PRRC2C: variants seen among roughly 807,000 people sequenced by gnomAD.
The protein encoded by PRRC2C is proline rich coiled-coil 2C, also known as protein PRRC2C.
PRRC2C carries 72 observed loss-of-function variants against 317.2 expected under a neutral mutation model. That is an observed-to-expected ratio of 0.23 (90% CI 0.19 to 0.28). PRRC2C has a LOEUF of 0.28. Among genes scored for constraint, PRRC2C ranks in the 10% least tolerant of loss-of-function variants. PRRC2C has a pLI of 1.00. For synonymous variants in PRRC2C, 1,296 were observed against 1,205.9 expected (o/e 1.07, Z -1.55); for missense variants, 3,074 against 3,459.7 (o/e 0.89, Z 2.80).
chr1:171,545,328 A>G (rs1010217256), intron 16 of PRRC2C, 151 bp from the exon 17 acceptor site: 1 of 629,214 alleles, frequency 1.6e-6, no homozygotes, highest in Non-Finnish European at 2.7e-6. Context: ...TGTGCTGAAC[A>G]AAAGTTACTA....
At chr1:171,501,043 C>T (rs1040955042) in intron 1 of PRRC2C, among the ~76,000 whole-genome samples, 7 of 150,874 alleles carry the variant, frequency 4.6e-5, no homozygotes, top group Non-Finnish European at 8.9e-5. Flanking sequence ...GGACTGCAGG[C>T]GTGTGCCACC....
At chr1:171,556,728 C>A (rs1332426245) in intron 18 of PRRC2C, among the ~76,000 whole-genome samples, 1 of 152,224 alleles carries the variant, frequency 6.6e-6, no homozygotes, top group Non-Finnish European at 1.5e-5. Context: ...ACAAAAGTAT[C>A]TATTGTAATT....
At position 171,516,856 on chromosome 1, in the gene PRRC2C, C is replaced by A. The variant is rs190807743; in HGVS notation, c.527-735C>A. Among the ~76,000 whole-genome samples the A allele has an allele frequency of 2.8e-3, 419 of 152,218 alleles. 2 individuals are homozygous for A. Among genetic ancestry groups the A allele is most frequent in the Non-Finnish European group, 4.1e-3 (281 of 68,006 alleles). ...GGGGCTGCTTATGACATGGCTTCTG[C>A]AGAATAAATGATGAGAGACAGACAC... On this transcript the variant is annotated intron_variant, in intron 5 of 34. Transcript: ENST00000647382.
intron 11 of PRRC2C, among the ~76,000 whole-genome samples, chr1:171,528,159 CTTAT>C (rs1675013394): frequency 2.0e-5 from 3 of 152,038 alleles, no homozygotes; most frequent in Admixed American, 2.0e-4. Flanking sequence ...TCCTTTTCCA[CTTAT>C]GATAATGTTA....
chr1:171,581,716 T>TA (rs1648641060), intron 28 of PRRC2C, among the ~76,000 whole-genome samples: 1 of 152,230 alleles, frequency 6.6e-6, no homozygotes, highest in Admixed American at 6.5e-5. Flanking sequence ...CATGTTTTCT[T>TA]ACCTCGTGTT....
intron 20 of PRRC2C, among the ~76,000 whole-genome samples, chr1:171,561,921 C>T (rs145531618): frequency 3.2e-4 from 48 of 152,160 alleles, no homozygotes; most frequent in African/African-American, 1.0e-3. Context: ...TTCTAACCTG[C>T]GGGCTTACAA....
chr1:171,537,272 C>T lies in PRRC2C; in HGVS notation c.2303C>T (p.Pro768Leu). ...DIPPIHPGMI[P>L]PKPLMRRDQM... ...TGAACTTTTGTTACAGGAATGATTC[C>T]TCCTAAACCATTAATGAGAAGAGAC... Residue 768 changes from proline (P) to leucine (L), a missense_variant, in exon 15 of 35, where the codon CCT (proline) becomes CTT (leucine). Physicochemically the swap from Pro to Leu is moderately conservative, Grantham distance 98. Transcript: ENST00000647382. 1 of 1,590,518 alleles carries T rather than the reference C, an allele frequency of 6.3e-7. No homozygotes were observed. Among genetic ancestry groups the T allele is most frequent in the Non-Finnish European group, 8.6e-7 (1 of 1,167,004 alleles).
intron 10 of PRRC2C, among the ~76,000 whole-genome samples, chr1:171,527,241 T>C (rs1238593850): frequency 6.6e-6 from 1 of 151,838 alleles, no homozygotes; most frequent in Non-Finnish European, 1.5e-5. Flanking sequence ...CAAGCAGTTC[T>C]CCTGTCTCAG....
chr1:171,497,584 G>T (rs184046200), intron 1 of PRRC2C, among the ~76,000 whole-genome samples: 9 of 149,968 alleles, frequency 6.0e-5, no homozygotes, highest in Admixed American at 4.7e-4. Context: ...CGATCCTTCT[G>T]TCTCAGTCTC....
rs917600394 is a variant in PRRC2C at position 171,550,060 on chromosome 1, T to C, written c.4973-26T>C. On this transcript the variant is annotated intron_variant, in intron 17 of 34. Transcript: ENST00000647382. Reference sequence around the variant, plus strand: ...ATTTTCATTTGAAAAACAGAAAATATCTTAAATCCTTTCCCACACCCACAG... The same window carrying C: ...ATTTTCATTTGAAAAACAGAAAATACCTTAAATCCTTTCCCACACCCACAG... 4.6e-6 allele frequency: 7 copies of C among 1,535,546 alleles called. No homozygotes were observed. In the Middle Eastern group the frequency reaches 8.9e-4, roughly 196 times the overall value.
intron 11 of PRRC2C, among the ~76,000 whole-genome samples, chr1:171,529,969 A>G (rs12142594): frequency 0.16 from 24,345 of 152,196 alleles, 2,005 homozygotes; most frequent in Middle Eastern, 0.29. Context: ...CATCGTTTCC[A>G]GCAATCCCTC....
intron 1 of PRRC2C, chr1:171,510,806 G>A (rs1156777031): frequency 5.3e-5 from 8 of 152,230 alleles, no homozygotes; most frequent in Admixed American, 2.0e-4. Context: ...GATTGAACCC[G>A]ACACCCTAGT....
rs771257025 is a variant in PRRC2C at position 171,541,244 on chromosome 1, A to C, written c.3778A>C (p.Arg1260=). 3.1e-6 allele frequency: 5 copies of C among 1,613,838 alleles called. No homozygotes were observed. Among genetic ancestry groups the C allele is most frequent in the Non-Finnish European group, 4.2e-6 (5 of 1,179,848 alleles). The change falls in exon 16 of 35, where the codon AGA becomes CGA. Residue 1260 remains arginine, a synonymous_variant. Transcript: ENST00000647382. The surrounding 1 kb of genome is among the most constrained non-coding windows in gnomAD (Gnocchi z 4.1). ...SSDFEVVPKR[R]RQRGSETDTD... is the part of the protein sequence containing the mutation. ...TGATTTTGAAGTTGTCCCCAAAAGAAGACGACAGCGGGGTTCAGAGACTGA... is the reference window on the plus strand; with the variant it reads ...TGATTTTGAAGTTGTCCCCAAAAGACGACGACAGCGGGGTTCAGAGACTGA...
At chr1:171,552,129 T>C (rs1680369940) in intron 18 of PRRC2C, among the ~76,000 whole-genome samples, 1 of 152,210 alleles carries the variant, frequency 6.6e-6, no homozygotes, top group East Asian at 1.9e-4. Context: ...GTGTTCTCTT[T>C]TATTTTGTTG....
At position 171,566,243 on chromosome 1, in the gene PRRC2C, A is replaced by G; in HGVS notation, c.6128A>G (p.Asn2043Ser). ...GSAPSSEGAKNGQESGLEIGT... is the reference protein window; with the variant it reads ...GSAPSSEGAKSGQESGLEIGT... ...ATATTCTTTTACTAGGGAGCGAAGA[A>G]TGGTCAAGAAAGTGGACTCGAAATT... Residue 2043 changes from asparagine to serine, a missense_variant, in exon 21 of 35, where the codon AAT becomes AGT. By Grantham distance (46) the Asn-to-Ser change is conservative (BLOSUM62 1). This residue lies in a region of PRRC2C where 640 missense variants were observed against 676.1 expected (regional missense o/e 0.95). Coordinates refer to ENST00000647382, the MANE Select transcript of PRRC2C (RefSeq NM_001387844.1). 6.2e-7 allele frequency: 1 copy of G among 1,609,828 alleles called. No individual in the cohort carries two copies. Among genetic ancestry groups the G allele is most frequent in the Non-Finnish European group, 8.5e-7 (1 of 1,178,054 alleles).
chr1:171,486,148 C>T (rs1350662040), intron 1 of PRRC2C, among the ~76,000 whole-genome samples: 1 of 143,720 alleles, frequency 7.0e-6, no homozygotes, highest in East Asian at 2.0e-4. Context: ...GTATGCGTTT[C>T]CCCAAACAAC....
At position 171,593,168 on chromosome 1, in the gene PRRC2C, CTA is replaced by C. The variant is rs1651745330; in HGVS notation, c.*1324_*1325del. 1 of 150,530 alleles carries C rather than the reference CTA, an allele frequency of 6.6e-6. No homozygotes were observed. The highest frequency in any genetic ancestry group is 1.5e-5 in the Non-Finnish European group (1 of 67,760). The allele number at this position is 150,530 out of a possible 1,614,324, so 9.3% of individuals were successfully genotyped here. ...TTTAAATGGAGTGTGCTGGATGTCT[CTA>C]TAATTTTATTCAGATGACTGCAGAA... On this transcript the variant is annotated 3_prime_UTR_variant, in exon 35 of 35. Coordinates refer to ENST00000647382, the MANE Select transcript of PRRC2C (RefSeq NM_001387844.1).
chr1:171,573,147 C>T (rs1370678282), intron 24 of PRRC2C, among the ~76,000 whole-genome samples: 1 of 152,038 alleles, frequency 6.6e-6, no homozygotes. Context: ...TCACAGTTTC[C>T]AAGAACCTAT....
intron 10 of PRRC2C, among the ~76,000 whole-genome samples, chr1:171,525,541 T>C (rs540461878): frequency 5.3e-5 from 8 of 152,326 alleles, no homozygotes; most frequent in Non-Finnish European, 7.4e-5. Context: ...GGAATCAGTA[T>C]AGTTAGCATG....
Sources: allele counts gnomAD v4.1 joint callset (sites outside exome capture counted in the v4.1 genomes callset), GRCh38; gene constraint gnomAD v4.1.1; regional missense constraint gnomAD v4.1.1; non-coding constraint Gnocchi (gnomAD v3.1); transcripts MANE v1.5; gene names NCBI Gene and HGNC (gene_info 2026-07-23, HGNC 2026-07-21).